RNF144A: variants seen among roughly 807,000 people sequenced by gnomAD.
The protein encoded by RNF144A is ring finger protein 144A, also known as E3 ubiquitin-protein ligase RNF144A.
In RNF144A, 11 loss-of-function variants were observed where a neutral mutation model predicts 38.7. That is an observed-to-expected ratio of 0.28 (90% CI 0.18 to 0.47). The LOEUF (loss-of-function observed/expected upper bound fraction) is 0.47, where lower values mean the gene tolerates loss of function less well. RNF144A is among the 20% of genes least tolerant of loss of function. The pLI is 0.99. For missense variants in RNF144A, 316 were observed against 377.2 expected, an observed-to-expected ratio of 0.84 and a Z score of 1.34; for synonymous variants, 149 against 143.9, an observed-to-expected ratio of 1.04 and a Z score of -0.25.
intron 2 of RNF144A, among the ~76,000 whole-genome samples, chr2:6,977,912 G>A (rs770143979): frequency 9.9e-5 from 15 of 152,068 alleles, no homozygotes; most frequent in Admixed American, 2.0e-4. Flanking sequence ...AGTGAGTGTC[G>A]GGGGGAGCTG....
chr2:6,992,257 C>T (rs1385644930), intron 2 of RNF144A, among the ~76,000 whole-genome samples: 2 of 152,226 alleles, frequency 1.3e-5, no homozygotes, highest in Non-Finnish European at 2.9e-5. Context: ...CACTGTGCCG[C>T]CCCACCCACC....
At chr2:7,030,295 GTGTGTGTGTGTA>G (rs1159562163) in intron 8 of RNF144A, 80 bp downstream of exon 8, 99 of 776,204 alleles carry the variant, frequency 1.3e-4, no homozygotes, top group South Asian at 8.8e-4. Context: ...GTGTGTGTGT[GTGTGTGTGTGTA>G]TGTATATCTT....
Position 7,042,671 on chromosome 2 carries a change from G to A in RNF144A, c.*2911G>A. 1 of 985,468 alleles carries A rather than the reference G, an allele frequency of 1.0e-6. No individual in the cohort carries two copies. Among genetic ancestry groups the A allele is most frequent in the Non-Finnish European group, 1.2e-6 (1 of 829,962 alleles). 61.0% of individuals were successfully genotyped at this position (985,468 alleles called of 1,614,324 possible). ...TGTGTAGTCCATAGCCCAGCCAGAT[G>A]AGCTTGCAGCCTCATAGGAGGTCAG... On this transcript the variant is annotated 3_prime_UTR_variant, in exon 9 of 9. Coordinates refer to ENST00000320892, the MANE Select transcript of RNF144A (RefSeq NM_014746.6).
intron 1 of RNF144A, among the ~76,000 whole-genome samples, chr2:6,923,771 C>T (rs981828459): frequency 4.0e-5 from 6 of 151,560 alleles, no homozygotes; most frequent in Admixed American, 2.0e-4. Flanking sequence ...CAAATGTTTT[C>T]CCCACCAGGT....
At chr2:6,951,895 C>T (rs1240581115) in intron 2 of RNF144A, among the ~76,000 whole-genome samples, 1 of 151,930 alleles carries the variant, frequency 6.6e-6, no homozygotes, top group Non-Finnish European at 1.5e-5. Context: ...CTTATAGTTT[C>T]TCTTTCTTGT....
At position 6,939,619 on chromosome 2, in the gene RNF144A, G is replaced by A. The variant is rs112924405; in HGVS notation, c.-211-1329G>A. On this transcript the variant is annotated intron_variant, in intron 1 of 8. Coordinates refer to ENST00000320892, the MANE Select transcript of RNF144A (RefSeq NM_014746.6). ...CTATTTTTTCTTGTTTGAGCTTTTA[G>A]CACCATATTTAAGAAACCATTTCTT... Among the ~76,000 whole-genome samples the A allele has an allele frequency of 2.4e-4, 37 of 152,018 alleles. 1 individual carries two copies. The highest frequency in any genetic ancestry group is 8.0e-4 in the African/African-American group (33 of 41,452).
At chr2:7,027,484 T>C (rs1671985544) in intron 7 of RNF144A, among the ~76,000 whole-genome samples, 1 of 152,244 alleles carries the variant, frequency 6.6e-6, no homozygotes, top group African/African-American at 2.4e-5. Flanking sequence ...TTTATCTTTC[T>C]CAAACTAGTG....
At chr2:6,954,182 G>A (rs747769158) in intron 2 of RNF144A, among the ~76,000 whole-genome samples, 1 of 151,578 alleles carries the variant, frequency 6.6e-6, no homozygotes, top group Non-Finnish European at 1.5e-5. Context: ...TATTTTTTAT[G>A]ACTTTAATAT....
chr2:6,973,510 G>A lies in RNF144A; in HGVS notation c.-11-23406G>A, dbSNP rs538432973. Among the ~76,000 whole-genome samples the A allele has an allele frequency of 2.8e-3, 431 of 152,310 alleles. 3 individuals are homozygous for A. The highest frequency in any genetic ancestry group is 9.8e-3 in the African/African-American group (407 of 41,562). On this transcript the variant is annotated intron_variant, in intron 2 of 8. Transcript: ENST00000320892. ...TCCTGGTCACTTCACAGTACAGGGC[G>A]GGCATCTCTGCAGAAGGCCAGCCTG... is the stretch of plus-strand genomic sequence containing the variant.
intron 5 of RNF144A, among the ~76,000 whole-genome samples, chr2:7,018,408 CAG>C (rs1671283728): frequency 6.6e-6 from 1 of 152,242 alleles, no homozygotes. Flanking sequence ...AGAGGGCAGG[CAG>C]AGAGTTGTCG....
chr2:7,023,289 G>T (rs1258550593), intron 6 of RNF144A, among the ~76,000 whole-genome samples: 2 of 152,170 alleles, frequency 1.3e-5, no homozygotes, highest in Non-Finnish European at 2.9e-5. Flanking sequence ...TCATCAGACA[G>T]CTCCTACTAA....
At chr2:6,931,050 C>T (rs1291205303) in intron 1 of RNF144A, among the ~76,000 whole-genome samples, 3 of 152,224 alleles carry the variant, frequency 2.0e-5, no homozygotes, top group Admixed American at 1.3e-4. Context: ...GCTGCCCTCC[C>T]AGGCTGACCT....
intron 2 of RNF144A, among the ~76,000 whole-genome samples, chr2:6,960,958 T>TTGTGTGTGCGTG (rs1378977711): frequency 6.6e-6 from 1 of 152,142 alleles, no homozygotes; most frequent in African/African-American, 2.4e-5. Flanking sequence ...CCAATTTCAA[T>TTGTGTGTGCGTG]TGTGTGTGCG....
chr2:6,977,671 C>G (rs938245334), intron 2 of RNF144A, among the ~76,000 whole-genome samples: 1 of 152,204 alleles, frequency 6.6e-6, no homozygotes, highest in Non-Finnish European at 1.5e-5. Context: ...AGGCAGCGAG[C>G]TTTAGAGTGT....
downstream of RNF144A, among the ~76,000 whole-genome samples, chr2:7,070,932 G>GT (rs138072047): frequency 0.022 from 2,701 of 122,972 alleles, 47 homozygotes; most frequent in Non-Finnish European, 0.032. Flanking sequence ...GCTTTGCTGA[G>GT]TTTTTTTTTT....
At chr2:7,010,981 G>A (rs534566295) in intron 3 of RNF144A, among the ~76,000 whole-genome samples, 3 of 152,154 alleles carry the variant, frequency 2.0e-5, no homozygotes, top group Non-Finnish European at 4.4e-5. Context: ...CATTGCATTT[G>A]CAGCAGCATG....
Position 7,041,008 on chromosome 2 carries a change from C to T in RNF144A, c.*1248C>T, listed in dbSNP as rs13405309. 5 of 985,184 alleles carry T rather than the reference C, an allele frequency of 5.1e-6. No individual in the cohort carries two copies. Among genetic ancestry groups the T allele is most frequent in the African/African-American group, 1.7e-5 (1 of 57,224 alleles). The allele number at this position is 985,184 out of a possible 1,614,324, so 61.0% of individuals were successfully genotyped here. ...TAATAAGGACACATACACATTATTC[C>T]ACCAATTGACTTTGAAAAGTGGAGA... On this transcript the variant is annotated 3_prime_UTR_variant, in exon 9 of 9. Coordinates refer to ENST00000320892, the MANE Select transcript of RNF144A (RefSeq NM_014746.6).
At chr2:6,981,257 G>A (rs1363223729) in intron 2 of RNF144A, among the ~76,000 whole-genome samples, 1 of 152,058 alleles carries the variant, frequency 6.6e-6, no homozygotes, top group African/African-American at 2.4e-5. Flanking sequence ...CAGCGGGCTT[G>A]AATTTCTCCC....
At chr2:6,934,739 A>G (rs1486838818) in intron 1 of RNF144A, among the ~76,000 whole-genome samples, 1 of 152,220 alleles carries the variant, frequency 6.6e-6, no homozygotes, top group Non-Finnish European at 1.5e-5. Flanking sequence ...ACTTAGAAGT[A>G]TTTAAAGATA....
Sources: allele counts gnomAD v4.1 joint callset (sites outside exome capture counted in the v4.1 genomes callset), GRCh38; gene constraint gnomAD v4.1.1; transcripts MANE v1.5; gene names NCBI Gene and HGNC (gene_info 2026-07-23, HGNC 2026-07-21).